DYRK1A: variants seen among roughly 807,000 people sequenced by gnomAD.
DYRK1A encodes the protein dual specificity tyrosine phosphorylation regulated kinase 1A, also known as dual specificity tyrosine-phosphorylation-regulated kinase 1A.
In DYRK1A, 9 loss-of-function variants were observed where a neutral mutation model predicts 79.7. The ratio of observed to expected loss-of-function variants is 0.11; its 90% CI spans 0.07 to 0.20. DYRK1A has a LOEUF of 0.20. DYRK1A is among the 10% of genes least tolerant of loss of function. The pLI is 1.00. For synonymous variants in DYRK1A, 349 were observed against 329.7 expected, an observed-to-expected ratio of 1.06 and a Z score of -0.63; for missense variants, 622 against 956.0, an observed-to-expected ratio of 0.65 and a Z score of 4.61.
chr21:37,366,173 C>A (rs2049298051), upstream of DYRK1A: 1 of 151,276 alleles, frequency 6.6e-6, no homozygotes, highest in Non-Finnish European at 1.5e-5. Flanking sequence ...GCGAGCGCGG[C>A]GCCCGGACCG....
At chr21:37,412,278 A>G (rs950034608) in intron 1 of DYRK1A, among the ~76,000 whole-genome samples, 2 of 152,236 alleles carry the variant, frequency 1.3e-5, no homozygotes, top group African/African-American at 4.8e-5. Context: ...ATAAGATCAT[A>G]CGTTTCTAAA....
chr21:37,404,432 A>G (rs2050112618), intron 1 of DYRK1A, among the ~76,000 whole-genome samples: 1 of 152,144 alleles, frequency 6.6e-6, no homozygotes, highest in Non-Finnish European at 1.5e-5. Flanking sequence ...TCTGTGGCTC[A>G]GGTTGTTTCA....
intron 2 of DYRK1A, among the ~76,000 whole-genome samples, chr21:37,429,985 CTCT>C (rs2050733201): frequency 6.6e-6 from 1 of 152,152 alleles, no homozygotes; most frequent in Non-Finnish European, 1.5e-5. Context: ...AACCAGATAG[CTCT>C]CAGTGCTACC....
chr21:37,512,547 AGTTT>A lies in DYRK1A; in HGVS notation c.*21_*24del. On this transcript the variant is annotated 3_prime_UTR_variant, in exon 12 of 12. Transcript: ENST00000647188. ...TAGCTCGTGACTACATTGAAACTTG[AGTTT>A]GTTTCTTGTGTGTTTTTATAGAAGT... is the stretch of plus-strand genomic sequence containing the variant. 1 of 1,600,894 alleles carries A rather than the reference AGTTT, an allele frequency of 6.2e-7. No homozygotes were observed. The highest frequency in any genetic ancestry group is 8.5e-7 in the Non-Finnish European group (1 of 1,171,270).
chr21:37,418,753 C>T (rs1488871235), intron 1 of DYRK1A, among the ~76,000 whole-genome samples: 3 of 152,098 alleles, frequency 2.0e-5, no homozygotes, highest in Non-Finnish European at 4.4e-5. Context: ...AGTGTTCATC[C>T]ATCTAGTCAT....
At chr21:37,366,370 A>G (rs1316280267), upstream of DYRK1A, among the ~76,000 whole-genome samples, 4 of 141,720 alleles carry the variant, frequency 2.8e-5, no homozygotes, top group Non-Finnish European at 4.6e-5. Context: ...GCGGCGCGGG[A>G]GGCCGCGCGC....
At chr21:37,459,112 A>G (rs189598119) in intron 2 of DYRK1A, among the ~76,000 whole-genome samples, 25 of 152,320 alleles carry the variant, frequency 1.6e-4, no homozygotes, top group African/African-American at 6.0e-4. Flanking sequence ...CAGCTTTGAA[A>G]TCAAGACGTC....
At chr21:37,446,897 G>A (rs1295585950) in intron 2 of DYRK1A, among the ~76,000 whole-genome samples, 1 of 152,172 alleles carries the variant, frequency 6.6e-6, no homozygotes, top group South Asian at 2.1e-4. Flanking sequence ...TGCTCCTTTT[G>A]TGCTCCCTCT....
At chr21:37,390,313 A>G (rs953266741) in intron 1 of DYRK1A, among the ~76,000 whole-genome samples, 1 of 152,174 alleles carries the variant, frequency 6.6e-6, no homozygotes, top group African/African-American at 2.4e-5. Flanking sequence ...GGTATGGTAC[A>G]AATAGCTTAT....
rs906182198 is a variant in DYRK1A, at chr21:37,519,311, C to T, written c.*6780C>T. The T allele has an allele frequency of 2.6e-5, 4 of 152,234 alleles. No individual in the cohort carries two copies. Among genetic ancestry groups the T allele is most frequent in the Non-Finnish European group, 5.9e-5 (4 of 68,086 alleles). 9.4% of individuals were successfully genotyped at this position (152,234 alleles called of 1,614,324 possible). A position where few individuals can be genotyped will look rare whatever the true frequency, so the allele number is the denominator to read the frequency against. On this transcript the variant is annotated 3_prime_UTR_variant, in exon 12 of 12. Transcript: ENST00000647188. ...CTAGAATCCCAAAGAGGTTCAGATC[C>T]CACTGCTCCTCTCATTGGCTTCGTG...
In DYRK1A at chr21:37,382,613, A is replaced by G. The variant is rs181828551; in HGVS notation, c.-77+14985A>G. 2.9e-3 allele frequency among the ~76,000 whole-genome samples: 438 copies of G among 152,302 alleles called. 2 individuals are homozygous for G. The highest frequency in any genetic ancestry group is 0.01 in the African/African-American group (424 of 41,558). ...TCAACCTTTTGGCAGATTATTTTCT[A>G]AAAAAGGTATTCTTGTAAATCTGAG... On this transcript the variant is annotated intron_variant, in intron 1 of 11. Coordinates refer to ENST00000647188, the MANE Select transcript of DYRK1A (RefSeq NM_001347721.2).
In DYRK1A at chr21:37,524,203, G is replaced by C. The variant is rs1193439734; in HGVS notation, c.*11672G>C. ...AACGATTTGGGTGGCTGAGGTGGGA[G>C]AATCACTTGAACCCAGGATTTGGAG... On this transcript the variant is annotated 3_prime_UTR_variant, in exon 12 of 12. Coordinates refer to ENST00000647188, the MANE Select transcript of DYRK1A (RefSeq NM_001347721.2). 1.3e-5 allele frequency: 2 copies of C among 151,980 alleles called. No individual in the cohort carries two copies. The highest frequency in any genetic ancestry group is 2.9e-5 in the Non-Finnish European group (2 of 67,990). The allele number at this position is 151,980 out of a possible 1,614,324, so 9.4% of individuals were successfully genotyped here.
intron 2 of DYRK1A, chr21:37,430,179 G>A (rs1026005893): frequency 6.0e-6 from 3 of 498,942 alleles, no homozygotes; most frequent in Non-Finnish European, 7.8e-6. Flanking sequence ...CCTCACAGCT[G>A]TTACCCACCA....
chr21:37,484,237 G>A (rs1007632974), intron 5 of DYRK1A, among the ~76,000 whole-genome samples: 13 of 151,788 alleles, frequency 8.6e-5, no homozygotes, highest in Admixed American at 2.0e-4. Flanking sequence ...TACCCTGGCC[G>A]TGAAAAAATT....
intron 11 of DYRK1A, among the ~76,000 whole-genome samples, chr21:37,508,935 C>G (rs1169132662): frequency 1.3e-5 from 2 of 152,172 alleles, no homozygotes; most frequent in African/African-American, 4.8e-5. Context: ...TTTCTTTCTT[C>G]CAGATCTATT....
intron 2 of DYRK1A, chr21:37,421,801 T>TG (rs950344597): frequency 2.0e-5 from 3 of 152,176 alleles, no homozygotes; most frequent in African/African-American, 7.2e-5. Flanking sequence ...TGTCAGCTCC[T>TG]GGATTGCTCC....
chr21:37,385,170 G>A (rs1602377482), intron 1 of DYRK1A, among the ~76,000 whole-genome samples: 1 of 152,272 alleles, frequency 6.6e-6, no homozygotes. Context: ...TTATGTAGCA[G>A]TATGTTTATC....
intron 2 of DYRK1A, among the ~76,000 whole-genome samples, chr21:37,451,646 A>G (rs2051456091): frequency 6.6e-6 from 1 of 151,328 alleles, no homozygotes; most frequent in Non-Finnish European, 1.5e-5. Context: ...GGCGTGCAGT[A>G]GGCTCCACCG....
intron 9 of DYRK1A, among the ~76,000 whole-genome samples, chr21:37,500,892 A>G (rs2053422490): frequency 6.7e-6 from 1 of 149,378 alleles, no homozygotes; most frequent in Admixed American, 6.6e-5. Flanking sequence ...AAGTTTATTA[A>G]TCTTTGCAGA....
Sources: allele counts gnomAD v4.1 joint callset (sites outside exome capture counted in the v4.1 genomes callset), GRCh38; gene constraint gnomAD v4.1.1; transcripts MANE v1.5; gene names NCBI Gene and HGNC (gene_info 2026-07-23, HGNC 2026-07-21).